The following XCR1 variants were observed in gnomAD, a reference collection of about 807,000 sequenced individuals.
XCR1 encodes chemokine XC receptor 1.
For synonymous variants in XCR1, 187 were observed against 188.5 expected, an observed-to-expected ratio of 0.99 and a Z score of 0.06; for missense variants, 356 against 424.2, an observed-to-expected ratio of 0.84 and a Z score of 1.41.
chr3:46,024,761 G>A (rs934719656), intron 1 of XCR1, among the ~76,000 whole-genome samples: 14 of 152,070 alleles, frequency 9.2e-5, no homozygotes, highest in Non-Finnish European at 1.9e-4. Flanking sequence ...TAATCAGGGT[G>A]CATTTTAAGT....
intron 5 of XCR1, among the ~76,000 whole-genome samples, chr3:46,047,464 G>T (rs1028138486): frequency 2.6e-5 from 4 of 152,152 alleles, no homozygotes; most frequent in African/African-American, 9.7e-5. Context: ...ACCTGGAGCT[G>T]GTCCTTCTTA....
intron 1 of XCR1, among the ~76,000 whole-genome samples, chr3:46,025,866 C>T (rs1048228966): frequency 6.6e-6 from 1 of 152,026 alleles, no homozygotes; most frequent in African/African-American, 2.4e-5. Context: ...CAACAAATTA[C>T]AATAAGAGAA....
At chr3:46,069,540 T>C (rs1358715498) in intron 3 of XCR1, among the ~76,000 whole-genome samples, 2 of 152,128 alleles carry the variant, frequency 1.3e-5, no homozygotes, top group Admixed American at 1.3e-4. Flanking sequence ...AACATTTGAC[T>C]CTCCCAAAAC....
chr3:46,068,163 A>G (rs1043048705), intron 3 of XCR1, among the ~76,000 whole-genome samples: 3 of 152,232 alleles, frequency 2.0e-5, no homozygotes, highest in African/African-American at 7.2e-5. Context: ...TACCAGCCTC[A>G]GCACCTCTGT....
chr3:46,053,132 G>A (rs1697780305), intron 5 of XCR1, among the ~76,000 whole-genome samples: 1 of 152,182 alleles, frequency 6.6e-6, no homozygotes, highest in African/African-American at 2.4e-5. Flanking sequence ...GCAAGTTTGC[G>A]CCAAGTGTTT....
chr3:46,040,137 C>A (rs1350860179), intron 5 of XCR1, among the ~76,000 whole-genome samples: 1 of 151,978 alleles, frequency 6.6e-6, no homozygotes, highest in African/African-American at 2.4e-5. Context: ...CACAGAAGAA[C>A]AAAATAAAGG....
At chr3:46,057,383 G>A (rs1027540703) in intron 4 of XCR1, among the ~76,000 whole-genome samples, 2 of 152,204 alleles carry the variant, frequency 1.3e-5, no homozygotes, top group South Asian at 2.1e-4. Flanking sequence ...GGGGCGCAAA[G>A]CAACTGTTGG....
intron 5 of XCR1, among the ~76,000 whole-genome samples, chr3:46,051,598 C>T (rs1304941958): frequency 2.6e-5 from 4 of 152,154 alleles, no homozygotes; most frequent in East Asian, 3.8e-4. Flanking sequence ...ATAGATTTCC[C>T]GCGTAGTTGT....
chr3:46,055,538 C>T (rs1364453079), intron 4 of XCR1, among the ~76,000 whole-genome samples: 1 of 152,164 alleles, frequency 6.6e-6, no homozygotes, highest in Non-Finnish European at 1.5e-5. Flanking sequence ...ACTCCAAAAC[C>T]CTTAAAAACC....
intron 3 of XCR1, among the ~76,000 whole-genome samples, chr3:46,069,557 A>G (rs961311822): frequency 1.3e-5 from 2 of 152,160 alleles, no homozygotes; most frequent in Non-Finnish European, 2.9e-5. Context: ...AAACTTAACT[A>G]TTAATAGCCT....
At chr3:46,068,940 C>T (rs56090968) in intron 3 of XCR1, among the ~76,000 whole-genome samples, 5,189 of 152,034 alleles carry the variant, frequency 0.034, 301 homozygotes, top group African/African-American at 0.11. Flanking sequence ...AATACTAAAC[C>T]AATGTACCAT....
chr3:46,082,476 C>CTTTTTTTTTT (rs61282576), intron 1 of XCR1, among the ~76,000 whole-genome samples: 4 of 100,030 alleles, frequency 4.0e-5, no homozygotes, highest in Non-Finnish European at 5.5e-5. Flanking sequence ...AATCAGGCTC[C>CTTTTTTTTTT]TTTTTTTTTT....
At chr3:46,066,233 C>CTTCTT (rs1422661540) in intron 4 of XCR1, among the ~76,000 whole-genome samples, 2 of 128,540 alleles carry the variant, frequency 1.6e-5, no homozygotes, top group East Asian at 2.3e-4. Context: ...TCTCTCTCTG[C>CTTCTT]TTCTTTTCTT....
intron 1 of XCR1, among the ~76,000 whole-genome samples, chr3:46,084,545 C>G (rs531708375): frequency 6.6e-6 from 1 of 152,306 alleles, no homozygotes; most frequent in Admixed American, 6.5e-5. Flanking sequence ...CAATGTAAAG[C>G]CAATCCCTAA....
At chr3:46,060,378 C>G (rs1289251181) in intron 4 of XCR1, among the ~76,000 whole-genome samples, 2 of 152,110 alleles carry the variant, frequency 1.3e-5, no homozygotes, top group Non-Finnish European at 2.9e-5. Context: ...CTAATAGGTG[C>G]CCTAAGGAAT....
intron 4 of XCR1, among the ~76,000 whole-genome samples, chr3:46,058,723 C>T (rs1697901713): frequency 6.6e-6 from 1 of 152,020 alleles, no homozygotes; most frequent in Non-Finnish European, 1.5e-5. Flanking sequence ...GCCACCATGC[C>T]CAGCTAGTTT....
chr3:46,023,228 G>A (rs997958938), intron 1 of XCR1: 11 of 559,564 alleles, frequency 2.0e-5, no homozygotes, highest in African/African-American at 1.6e-4. Context: ...CGGCTGCGTC[G>A]CGCTCCCCTG....
At chr3:46,025,429 A>C (rs1215836697) in intron 1 of XCR1, among the ~76,000 whole-genome samples, 2 of 152,136 alleles carry the variant, frequency 1.3e-5, no homozygotes, top group Admixed American at 6.6e-5. Flanking sequence ...AGAGAGAGAG[A>C]GAGAGAGAAA....
At chr3:46,033,312 C>A (rs530909989) in intron 5 of XCR1, among the ~76,000 whole-genome samples, 1 of 152,320 alleles carries the variant, frequency 6.6e-6, no homozygotes, top group South Asian at 2.1e-4. Flanking sequence ...AAGTTTTGTA[C>A]ATTTGCATTT....
Sources: allele counts gnomAD v4.1 joint callset (sites outside exome capture counted in the v4.1 genomes callset), GRCh38; gene constraint gnomAD v4.1.1; transcripts MANE v1.5; gene names NCBI Gene and HGNC (gene_info 2026-07-23, HGNC 2026-07-21).